Variants in SCGB2A1 observed in about 807,000 individuals in gnomAD.
SCGB2A1 encodes secretoglobin family 2A member 1.
Under a neutral mutation model 9.2 loss-of-function variants are expected in SCGB2A1, and 6 were observed. The observed-to-expected ratio is 0.66, with a 90% CI of 0.36 to 1.29. The LOEUF (loss-of-function observed/expected upper bound fraction) is 1.29. Ranked by LOEUF, SCGB2A1 falls within the 50% of genes most tolerant of loss-of-function variation. The probability of loss-of-function intolerance (pLI) is 0.03; values close to 1 mark genes in which losing one functional copy is unlikely to be tolerated. For missense variants in SCGB2A1, 138 were observed against 116.9 expected (o/e 1.18, Z -0.83); for synonymous variants, 37 against 41.0 (o/e 0.90, Z 0.37).
chr11:62,212,574 G>T (rs1212389640), intron 2 of SCGB2A1, among the ~76,000 whole-genome samples: 1 of 152,000 alleles, frequency 6.6e-6, no homozygotes, highest in Non-Finnish European at 1.5e-5. Context: ...GGCAGAGATT[G>T]CAGTGAGCCA....
At chr11:62,212,965 T>C (rs1181739722) in intron 2 of SCGB2A1, among the ~76,000 whole-genome samples, 1 of 150,964 alleles carries the variant, frequency 6.6e-6, no homozygotes, top group Non-Finnish European at 1.5e-5. Flanking sequence ...TGTACACATA[T>C]GTACACATAT....
intron 2 of SCGB2A1, 129 bp from the exon 3 acceptor site, chr11:62,213,596 TG>T: frequency 1.2e-6 from 1 of 810,904 alleles, no homozygotes; most frequent in Non-Finnish European, 2.0e-6. Flanking sequence ...ATGCTGGCTT[TG>T]CTTCCACTGC....
At position 62,208,791 on chromosome 11, in the gene SCGB2A1, G is replaced by C. The variant is rs1944804851; in HGVS notation, c.55+5G>C. On this transcript the variant is annotated splice_donor_5th_base_variant and intron_variant, in intron 1 of 2. Coordinates refer to ENST00000244930, the MANE Select transcript of SCGB2A1 (RefSeq NM_002407.3). Reference sequence around the variant, plus strand: ...TCCTCCTGCACTGCTATGCAGGTGAGTTCTGGGCAGAGAGGGCTGCTTCTG... The same window carrying C: ...TCCTCCTGCACTGCTATGCAGGTGACTTCTGGGCAGAGAGGGCTGCTTCTG... 3 of 1,612,590 alleles carry C rather than the reference G, an allele frequency of 1.9e-6. No individual in the cohort carries two copies. In the South Asian group the frequency reaches 3.3e-5, roughly 18 times the overall value.
rs146714341 is a variant in SCGB2A1, at chr11:62,208,774, C to T, written c.43C>T (p.His15Tyr). 7.4e-6 allele frequency: 12 copies of T among 1,613,308 alleles called. No individual in the cohort carries two copies. The African/African-American group carries it at 1.2e-4, about 16-fold the overall frequency. The change falls in exon 1 of 3, where the codon CAC (histidine) becomes TAC (tyrosine). Residue 15 changes from histidine to tyrosine, a missense_variant. Coordinates refer to ENST00000244930, the MANE Select transcript of SCGB2A1 (RefSeq NM_002407.3). ...MVLMLAALLL[H>Y]CYADSGCKLL... ...CCTCATGCTGGCGGCCCTCCTCCTG[C>T]ACTGCTATGCAGGTGAGTTCTGGGC... is the stretch of plus-strand genomic sequence containing the variant.
Position 62,210,580 on chromosome 11 carries a change from A to T in SCGB2A1, c.223A>T (p.Lys75Ter), listed in dbSNP as rs1261655907. 6.4e-7 allele frequency: 1 copy of T among 1,557,024 alleles called. No homozygotes were observed. Among genetic ancestry groups the T allele is most frequent in the Admixed American group, 2.2e-5 (1 of 45,604 alleles). Residue 75 changes from lysine to a stop codon, truncating the protein, a stop_gained, in exon 2 of 3, where the codon AAA (lysine) becomes TAA (stop). Coordinates refer to ENST00000244930, the MANE Select transcript of SCGB2A1 (RefSeq NM_002407.3). LOFTEE classifies it low-confidence loss of function (END_TRUNC). ...CCTCAACCAGTCACATAGAACTCTG[A>T]AAAACTTTGGACTGATGATGGTAAT... ...CFLNQSHRTL[K>*]NFGLMMHTVY...
At chr11:62,209,635 A>ATG (rs60357410) in intron 1 of SCGB2A1, among the ~76,000 whole-genome samples, 8,785 of 142,002 alleles carry the variant, frequency 0.062, 310 homozygotes, top group Admixed American at 0.11. Flanking sequence ...TTTCACATTC[A>ATG]TGTGTGTGTG....
rs555898708 is a variant in SCGB2A1, at chr11:62,210,907, G to A, written c.243+307G>A. ...CAAGTATAGACACACACAGACACAC[G>A]GGGACAGGCATCGGCATTTTTTTTT... On this transcript the variant is annotated intron_variant, in intron 2 of 2. Transcript: ENST00000244930. Among the ~76,000 whole-genome samples, 43 of 148,806 alleles carry A rather than the reference G, an allele frequency of 2.9e-4. No individual in the cohort carries two copies. The Middle Eastern group carries it at 0.01, about 36-fold the overall frequency.
intron 2 of SCGB2A1, among the ~76,000 whole-genome samples, chr11:62,212,010 G>T (rs965566114): frequency 5.3e-5 from 8 of 151,896 alleles, no homozygotes; most frequent in Admixed American, 1.3e-4. Flanking sequence ...ACAATCTCCG[G>T]CTCCTGAGTT....
At chr11:62,213,384 G>T (rs1944854815) in intron 2 of SCGB2A1, 1 of 194,208 alleles carries the variant, frequency 5.1e-6, no homozygotes, top group Admixed American at 5.6e-5. Context: ...TGTTGTAAAA[G>T]TGGTATCAGA....
At chr11:62,210,719 C>A in intron 2 of SCGB2A1, 119 bp downstream of exon 2, 1 of 720,242 alleles carries the variant, frequency 1.4e-6, no homozygotes, top group Non-Finnish European at 2.1e-6. Flanking sequence ...TATATCAATT[C>A]ATTAAACTTT....
intron 2 of SCGB2A1, 58 bp from the exon 3 acceptor site, chr11:62,213,668 A>T: frequency 6.6e-7 from 1 of 1,515,386 alleles, no homozygotes; most frequent in Non-Finnish European, 9.1e-7. Context: ...GACAAGTTTT[A>T]ATATTTGATT....
Position 62,210,564 on chromosome 11 carries a change from G to T in SCGB2A1, c.207G>T (p.Gln69His). The part of the protein sequence containing the change: ...MGKFKQCFLN[Q>H]SHRTLKNFGL... ...AATTCAAGCAGTGTTTCCTCAACCA[G>T]TCACATAGAACTCTGAAAAACTTTG... Residue 69 changes from glutamine to histidine, a missense_variant, in exon 2 of 3, where the codon CAG (glutamine) becomes CAT (histidine). Physicochemically the swap from Gln to His is conservative, Grantham distance 24. Coordinates refer to ENST00000244930, the MANE Select transcript of SCGB2A1 (RefSeq NM_002407.3). The T allele has an allele frequency of 6.4e-7, 1 of 1,572,902 alleles. No homozygotes were observed. The highest frequency in any genetic ancestry group is 8.6e-7 in the Non-Finnish European group (1 of 1,167,270).
chr11:62,208,757 T>A lies in SCGB2A1; in HGVS notation c.26T>A (p.Leu9Gln). The A allele has an allele frequency of 6.2e-7, 1 of 1,613,650 alleles. No homozygotes were observed. Among genetic ancestry groups the A allele is most frequent in the South Asian group, 1.1e-5 (1 of 91,084 alleles). MKLLMVLM[L>Q]AALLLHCYAD... The stretch of plus-strand genomic sequence containing the variant: ...ATGAAGCTGCTGATGGTCCTCATGC[T>A]GGCGGCCCTCCTCCTGCACTGCTAT... Residue 9 changes from leucine to glutamine, a missense_variant, in exon 1 of 3, where the codon CTG becomes CAG. Transcript: ENST00000244930.
chr11:62,212,957 T>TGC (rs1554985820), intron 2 of SCGB2A1, among the ~76,000 whole-genome samples: 1 of 78,550 alleles, frequency 1.3e-5, no homozygotes, highest in African/African-American at 3.5e-5. Context: ...CACACATATG[T>TGC]ACACATATGT....
chr11:62,213,106 A>AT (rs1554985926), intron 2 of SCGB2A1, among the ~76,000 whole-genome samples: 20,124 of 116,198 alleles, frequency 0.17, 3,037 homozygotes, highest in Middle Eastern at 0.3. Context: ...ATATATATAT[A>AT]TTTTTTTTTT....
At chr11:62,208,994 G>C (rs535974308) in intron 1 of SCGB2A1, among the ~76,000 whole-genome samples, 1 of 152,278 alleles carries the variant, frequency 6.6e-6, no homozygotes, top group East Asian at 1.9e-4. Flanking sequence ...TGCACACAGT[G>C]TATCATGGCA....
Position 62,213,860 on chromosome 11 carries a change from G to A in SCGB2A1, c.*90G>A, listed in dbSNP as rs1944858657. 1 of 1,096,708 alleles carries A rather than the reference G, an allele frequency of 9.1e-7. No homozygotes were observed. Among genetic ancestry groups the A allele is most frequent in the African/African-American group, 1.6e-5 (1 of 63,308 alleles). 67.9% of individuals were successfully genotyped at this position (1,096,708 alleles called of 1,614,324 possible). ...AGAAACCACTTTTCTTTCTTGTGTT[G>A]TCTTTTTATGTGGAAACTGCTAGAC... On this transcript the variant is annotated 3_prime_UTR_variant, in exon 3 of 3. Coordinates refer to ENST00000244930, the MANE Select transcript of SCGB2A1 (RefSeq NM_002407.3).
At chr11:62,212,034 T>A (rs562749756) in intron 2 of SCGB2A1, among the ~76,000 whole-genome samples, 2 of 151,982 alleles carry the variant, frequency 1.3e-5, no homozygotes, top group Non-Finnish European at 2.9e-5. Flanking sequence ...GTGATTCTCC[T>A]GCCTCAGTCT....
chr11:62,209,168 C>G (rs1044811907), intron 1 of SCGB2A1, among the ~76,000 whole-genome samples: 2 of 152,142 alleles, frequency 1.3e-5, no homozygotes, highest in African/African-American at 4.8e-5. Context: ...AATAGGAAAC[C>G]TCCCAGGACA....
Sources: allele counts gnomAD v4.1 joint callset (sites outside exome capture counted in the v4.1 genomes callset), GRCh38; gene constraint gnomAD v4.1.1; transcripts MANE v1.5; gene names NCBI Gene and HGNC (gene_info 2026-07-23, HGNC 2026-07-21).